The following NUGGC variants were observed in gnomAD, a reference collection of about 807,000 sequenced individuals.
NUGGC encodes the protein nuclear GTPase, germinal center associated, also known as nuclear GTPase SLIP-GC.
In NUGGC, 58 loss-of-function variants were observed where a neutral mutation model predicts 92.6. The observed-to-expected ratio is 0.63, with a 90% CI of 0.51 to 0.78. The LOEUF is 0.78. Ranked by LOEUF, NUGGC falls within the 30% of genes least tolerant of loss-of-function variation. The pLI is 0.00. For synonymous variants in NUGGC, 376 were observed against 366.4 expected, an observed-to-expected ratio of 1.03 and a Z score of -0.30; for missense variants, 925 against 964.6, an observed-to-expected ratio of 0.96 and a Z score of 0.54.
At chr8:28,065,152 C>CTTTT (rs5890398) in intron 6 of NUGGC, among the ~76,000 whole-genome samples, 9 of 79,884 alleles carry the variant, frequency 1.1e-4, no homozygotes, top group East Asian at 6.5e-4. Flanking sequence ...GAAATTGGAT[C>CTTTT]TTTTTTTTTT....
intron 7 of NUGGC, among the ~76,000 whole-genome samples, chr8:28,061,233 A>T (rs1209089784): frequency 2.0e-5 from 3 of 152,244 alleles, no homozygotes; most frequent in Non-Finnish European, 4.4e-5. Context: ...CGTTTAGTTC[A>T]ATGCCACCAG....
chr8:28,027,271 C>T (rs903793580), intron 17 of NUGGC, among the ~76,000 whole-genome samples: 3 of 152,214 alleles, frequency 2.0e-5, no homozygotes, highest in South Asian at 2.1e-4. Flanking sequence ...CCCATCTGTA[C>T]AGCATCTCCC....
intron 9 of NUGGC, among the ~76,000 whole-genome samples, chr8:28,057,057 G>T (rs1191082087): frequency 6.6e-6 from 1 of 152,200 alleles, no homozygotes; most frequent in Admixed American, 6.5e-5. Flanking sequence ...TTTTCAGCCT[G>T]TTTAGAGCAA....
intron 1 of NUGGC, among the ~76,000 whole-genome samples, chr8:28,077,963 C>T (rs1427944811): frequency 6.6e-6 from 1 of 152,152 alleles, no homozygotes; most frequent in Non-Finnish European, 1.5e-5. Flanking sequence ...TTCTGGAATA[C>T]GGGTAGTAGT....
chr8:28,027,707 C>G (rs892543334), intron 17 of NUGGC, among the ~76,000 whole-genome samples: 3 of 152,106 alleles, frequency 2.0e-5, no homozygotes, highest in African/African-American at 7.2e-5. Flanking sequence ...ATCAAGAGCC[C>G]TAAGCATACA....
chr8:28,059,697 A>C (rs1810243475), intron 8 of NUGGC, among the ~76,000 whole-genome samples: 1 of 152,202 alleles, frequency 6.6e-6, no homozygotes, highest in African/African-American at 2.4e-5. Context: ...ATTTTTAAAA[A>C]GCTCAGGAGT....
chr8:28,031,259 T>C lies in NUGGC; in HGVS notation c.1892A>G (p.Asn631Ser), dbSNP rs911064804. The C allele has an allele frequency of 2.5e-6, 4 of 1,611,334 alleles. No homozygotes were observed. The highest frequency in any genetic ancestry group is 3.3e-4 in the Middle Eastern group (2 of 6,078). Residue 631 changes from asparagine to serine, a missense_variant, in exon 15 of 19, where the codon AAT becomes AGT. Coordinates refer to ENST00000413272, the MANE Select transcript of NUGGC (RefSeq NM_001010906.2). ...SGWKYDSCKK[N>S]FLIQEISAIL... The stretch of plus-strand genomic sequence containing the variant: ...GGAACGTACCTCCTGGATCAGGAAA[T>C]TTTTTTTGCAGCTATCATATTTCCA...
intron 7 of NUGGC, among the ~76,000 whole-genome samples, chr8:28,062,452 CAA>C (rs34648549): frequency 5.3e-5 from 7 of 132,162 alleles, no homozygotes; most frequent in Non-Finnish European, 8.3e-5. Context: ...CTCATCTCTA[CAA>C]AAAAAAAAAA....
intron 8 of NUGGC, among the ~76,000 whole-genome samples, chr8:28,059,474 C>A (rs879815802): frequency 6.6e-6 from 1 of 152,108 alleles, no homozygotes; most frequent in African/African-American, 2.4e-5. Flanking sequence ...TTAGAGAATG[C>A]ATCTACCTTC....
At chr8:28,076,842 A>C (rs564696677) in intron 1 of NUGGC, among the ~76,000 whole-genome samples, 14 of 152,268 alleles carry the variant, frequency 9.2e-5, no homozygotes, top group African/African-American at 3.4e-4. Context: ...CATATTTTCT[A>C]GGGTTCCCAG....
intron 5 of NUGGC, 149 bp downstream of exon 5, chr8:28,068,067 G>T (rs1585596754): frequency 1.6e-6 from 1 of 608,752 alleles, no homozygotes; most frequent in East Asian, 2.8e-5. Flanking sequence ...AGAAAAGGAA[G>T]AAAAAAAGGA....
intron 10 of NUGGC, 46 bp from the exon 11 acceptor site, chr8:28,047,658 G>T: frequency 8.0e-7 from 1 of 1,249,490 alleles, no homozygotes; most frequent in Non-Finnish European, 1.1e-6. Context: ...TCAAACCATA[G>T]CAAAGGCAAT....
At chr8:28,024,189 T>C (rs2130047909) in intron 18 of NUGGC, among the ~76,000 whole-genome samples, 1 of 149,964 alleles carries the variant, frequency 6.7e-6, no homozygotes, top group South Asian at 2.1e-4. Context: ...CCTAGCTAAA[T>C]TCTTTCTTTT....
At chr8:28,069,717 G>A (rs757854804) in intron 3 of NUGGC, 65 bp from the exon 4 acceptor site, 19 of 887,198 alleles carry the variant, frequency 2.1e-5, no homozygotes, top group Middle Eastern at 2.1e-4. Flanking sequence ...GGTCTCCAAA[G>A]GAGGTGTCTG....
intron 13 of NUGGC, among the ~76,000 whole-genome samples, chr8:28,037,259 T>C (rs1357391031): frequency 1.3e-5 from 2 of 152,200 alleles, no homozygotes; most frequent in East Asian, 1.9e-4. Context: ...AACTTCACTA[T>C]GTTCCAACTC....
At chr8:28,052,977 C>A (rs1810043626) in intron 10 of NUGGC, among the ~76,000 whole-genome samples, 1 of 152,010 alleles carries the variant, frequency 6.6e-6, no homozygotes, top group Admixed American at 6.6e-5. Flanking sequence ...TGCAAAGCAA[C>A]ACCTAAGTGC....
chr8:28,056,207 G>A (rs1810131352), intron 9 of NUGGC, among the ~76,000 whole-genome samples, 153 bp from the exon 10 acceptor site: 1 of 152,100 alleles, frequency 6.6e-6, no homozygotes, highest in Admixed American at 6.6e-5. Flanking sequence ...TGCCGGGCAC[G>A]GTGGCTCATG....
intron 9 of NUGGC, 122 bp downstream of exon 9, chr8:28,058,136 G>C (rs957847296): frequency 5.4e-6 from 1 of 186,322 alleles, no homozygotes; most frequent in Non-Finnish European, 1.2e-5. Flanking sequence ...AGGTTGCCGT[G>C]AGCCGAGATC....
Position 28,023,404 on chromosome 8 carries a change from C to G in NUGGC, c.2304G>C (p.Ala768=). ...EKLHRSLREV[A]ENARLRKGMQ... ...TGCCCTTCCTCAGCCGTGCATTCTC[C>G]GCGACCTCCCTCAGGCTTCTGTGCA... The change falls in exon 19 of 19, where the codon GCG becomes GCC. Residue 768 remains alanine, a synonymous_variant. Coordinates refer to ENST00000413272, the MANE Select transcript of NUGGC (RefSeq NM_001010906.2). 1 of 1,613,932 alleles carries G rather than the reference C, an allele frequency of 6.2e-7. No individual in the cohort carries two copies. Among genetic ancestry groups the G allele is most frequent in the Non-Finnish European group, 8.5e-7 (1 of 1,179,864 alleles).
Sources: allele counts gnomAD v4.1 joint callset (sites outside exome capture counted in the v4.1 genomes callset), GRCh38; gene constraint gnomAD v4.1.1; transcripts MANE v1.5; gene names NCBI Gene and HGNC (gene_info 2026-07-23, HGNC 2026-07-21).